The following AP3B1 variants were observed in gnomAD, a reference collection of about 807,000 sequenced individuals.
AP3B1 encodes AP-3 complex subunit beta-1.
AP3B1 carries 61 observed loss-of-function variants against 132.5 expected under a neutral mutation model. The ratio of observed to expected loss-of-function variants is 0.46; its 90% CI spans 0.37 to 0.57. The LOEUF (loss-of-function observed/expected upper bound fraction) is 0.57. Among genes scored for constraint, AP3B1 ranks in the 20% least tolerant of loss-of-function variants. The pLI is 0.00. For missense variants in AP3B1, 1,120 were observed against 1,289.4 expected, an observed-to-expected ratio of 0.87 and a Z score of 2.01; for synonymous variants, 388 against 438.3, an observed-to-expected ratio of 0.89 and a Z score of 1.43.
At chr5:78,227,813 G>T (rs1561488714) in intron 4 of AP3B1, among the ~76,000 whole-genome samples, 1 of 151,998 alleles carries the variant, frequency 6.6e-6, no homozygotes. Flanking sequence ...ATAATAAAAT[G>T]CTGCAGGTCA....
rs532044228 is a variant in AP3B1, at chr5:78,267,554, G to A, written c.170C>T (p.Ser57Phe). 1 of 1,611,414 alleles carries A rather than the reference G, an allele frequency of 6.2e-7. No individual in the cohort carries two copies. The highest frequency in any genetic ancestry group is 1.3e-5 in the African/African-American group (1 of 74,896). Residue 57 changes from serine (S) to phenylalanine (F), a missense_variant, in exon 2 of 27, where the codon TCT (serine) becomes TTT (phenylalanine). This residue lies in a region of AP3B1 where 85 missense variants were observed against 79.9 expected (regional missense o/e 1.06). Coordinates refer to ENST00000255194, the MANE Select transcript of AP3B1 (RefSeq NM_003664.5). ...CCGCTTCATAGCATCCAGTTTAGCA[G>A]AATCTTTGTTGCTCTCTAACATTTG... ...LKQMLESNKD[S>F]AKLDAMKRIV... is the part of the protein sequence containing the mutation.
chr5:78,079,198 G>A (rs761167977), intron 22 of AP3B1, among the ~76,000 whole-genome samples: 3 of 152,096 alleles, frequency 2.0e-5, no homozygotes, highest in Non-Finnish European at 2.9e-5. Context: ...CAACTACATG[G>A]CTAACATAAG....
At chr5:78,017,586 T>C (rs1374915250) in intron 25 of AP3B1, among the ~76,000 whole-genome samples, 1 of 152,084 alleles carries the variant, frequency 6.6e-6, no homozygotes, top group African/African-American at 2.4e-5. Context: ...TCTTGCTAGC[T>C]AGGAACTCAT....
downstream of AP3B1, chr5:78,001,216 T>C (rs1746195573): frequency 6.6e-6 from 1 of 152,244 alleles, no homozygotes; most frequent in African/African-American, 2.4e-5. Context: ...ATATAATTTT[T>C]TTTTCTTCCT....
At chr5:78,121,688 T>C (rs1174966854) in intron 17 of AP3B1, 2 of 152,230 alleles carry the variant, frequency 1.3e-5, no homozygotes, top group Admixed American at 1.3e-4. Flanking sequence ...GGCTCTGAAA[T>C]TGTGACAATA....
intron 8 of AP3B1, among the ~76,000 whole-genome samples, chr5:78,178,083 C>A (rs140211859): frequency 6.6e-6 from 1 of 152,140 alleles, no homozygotes; most frequent in African/African-American, 2.4e-5. Flanking sequence ...TCAAGACACT[C>A]GAAATTCCAT....
At chr5:78,209,938 A>G (rs1302503557) in intron 7 of AP3B1, among the ~76,000 whole-genome samples, 1 of 152,236 alleles carries the variant, frequency 6.6e-6, no homozygotes, top group African/African-American at 2.4e-5. Context: ...ATTATAAACA[A>G]CAAAAAGAAT....
intron 13 of AP3B1, among the ~76,000 whole-genome samples, chr5:78,160,997 C>T (rs1296396220): frequency 6.7e-6 from 1 of 148,386 alleles, no homozygotes; most frequent in Non-Finnish European, 1.5e-5. Context: ...ATTCACACTG[C>T]AGGAAAAAAA....
chr5:78,017,735 C>A (rs1746916945), intron 25 of AP3B1, among the ~76,000 whole-genome samples: 1 of 151,854 alleles, frequency 6.6e-6, no homozygotes, highest in Non-Finnish European at 1.5e-5. Flanking sequence ...TTAAAAGTTC[C>A]TCCTAAAAAA....
At chr5:78,103,932 A>AT (rs1399967171) in intron 20 of AP3B1, among the ~76,000 whole-genome samples, 1 of 152,176 alleles carries the variant, frequency 6.6e-6, no homozygotes, top group African/African-American at 2.4e-5. Context: ...TTGTTAATGT[A>AT]TTATGCATGT....
At chr5:78,094,010 T>C (rs1750656990) in intron 21 of AP3B1, among the ~76,000 whole-genome samples, 1 of 152,232 alleles carries the variant, frequency 6.6e-6, no homozygotes, top group African/African-American at 2.4e-5. Context: ...TGATATCACA[T>C]ATCATAAGGC....
At chr5:78,194,539 A>G (rs532290656) in intron 7 of AP3B1, among the ~76,000 whole-genome samples, 8 of 152,318 alleles carry the variant, frequency 5.3e-5, no homozygotes, top group Non-Finnish European at 8.8e-5. Flanking sequence ...TACTATTACT[A>G]TTACAAAAAG....
chr5:78,219,577 A>G (rs922761145), intron 6 of AP3B1, among the ~76,000 whole-genome samples: 15 of 152,088 alleles, frequency 9.9e-5, no homozygotes, highest in Admixed American at 3.9e-4. Flanking sequence ...CACTGACTAC[A>G]GTTGTAAGGT....
At chr5:78,015,282 A>C (rs1746808974) in intron 26 of AP3B1, 128 bp downstream of exon 26, 2 of 999,318 alleles carry the variant, frequency 2.0e-6, no homozygotes, top group Admixed American at 2.3e-5. Flanking sequence ...TCAGAAAAAA[A>C]AGGGAGTGTG....
intron 14 of AP3B1, among the ~76,000 whole-genome samples, chr5:78,144,445 A>G (rs1753295469): frequency 6.6e-6 from 1 of 152,244 alleles, no homozygotes; most frequent in Non-Finnish European, 1.5e-5. Context: ...TTTCAACACC[A>G]GCCCACTGCA....
At chr5:78,037,601 A>T (rs1322110570) in intron 23 of AP3B1, among the ~76,000 whole-genome samples, 4 of 152,214 alleles carry the variant, frequency 2.6e-5, no homozygotes, top group Admixed American at 2.6e-4. Context: ...TTACCGAAAG[A>T]TTCATGAAAA....
chr5:78,076,531 C>G (rs544026830), intron 22 of AP3B1, among the ~76,000 whole-genome samples: 1 of 152,288 alleles, frequency 6.6e-6, no homozygotes, highest in African/African-American at 2.4e-5. Context: ...TGAGGTGACT[C>G]ATGACAGGTC....
At chr5:78,171,025 T>C (rs1398572827) in intron 11 of AP3B1, among the ~76,000 whole-genome samples, 2 of 152,212 alleles carry the variant, frequency 1.3e-5, no homozygotes, top group African/African-American at 2.4e-5. Context: ...ATCAGGTTTG[T>C]CAAAGATCAG....
intron 7 of AP3B1, among the ~76,000 whole-genome samples, chr5:78,193,732 G>GTGTATATATATATC (rs1340871803): frequency 2.2e-5 from 2 of 89,254 alleles, no homozygotes; most frequent in African/African-American, 8.1e-5. Flanking sequence ...TTAAATATTT[G>GTGTATATATATATC]TATATATTTT....
Sources: gnomAD v4.1 joint callset for allele counts (sites outside exome capture counted in the v4.1 genomes callset) on GRCh38, gnomAD v4.1.1 for gene constraint, gnomAD v4.1.1 regional missense constraint, MANE v1.5 for transcripts, NCBI Gene and HGNC (gene_info 2026-07-23, HGNC 2026-07-21) for gene names.